The following PTPRT variants were observed in gnomAD, a reference collection of about 807,000 sequenced individuals.
The protein encoded by PTPRT is receptor-type tyrosine-protein phosphatase T.
PTPRT carries 56 observed loss-of-function variants against 176.8 expected under a neutral mutation model. That is an observed-to-expected ratio of 0.32 (90% CI 0.26 to 0.40). The LOEUF (loss-of-function observed/expected upper bound fraction) is 0.40. Ranked by LOEUF, PTPRT falls within the 10% of genes least tolerant of loss-of-function variation. PTPRT has a pLI of 1.00. For synonymous variants in PTPRT, 783 were observed against 739.0 expected (o/e 1.06, Z -0.96); for missense variants, 1,540 against 1,908.2 (o/e 0.81, Z 3.60).
chr20:42,637,409 C>A (rs1336329456), intron 7 of PTPRT, among the ~76,000 whole-genome samples: 1 of 152,126 alleles, frequency 6.6e-6, no homozygotes, highest in Non-Finnish European at 1.5e-5. Context: ...TCATTGTCCT[C>A]CTTGCTGATC....
intron 2 of PTPRT, among the ~76,000 whole-genome samples, chr20:42,832,141 T>A (rs538008120): frequency 1.4e-4 from 22 of 152,332 alleles, no homozygotes; most frequent in Non-Finnish European, 2.4e-4. Context: ...TGCCCTAGAT[T>A]GGATGAAGAA....
At chr20:42,771,596 T>G in intron 4 of PTPRT, 46 bp from the exon 5 acceptor site, 2 of 1,504,036 alleles carry the variant, frequency 1.3e-6, no homozygotes, top group Non-Finnish European at 1.9e-6. Flanking sequence ...TTCGACAGCC[T>G]GCACCACTTC....
intron 1 of PTPRT, among the ~76,000 whole-genome samples, chr20:43,089,849 TA>T (rs2011752430): frequency 6.6e-6 from 1 of 152,152 alleles, no homozygotes; most frequent in Non-Finnish European, 1.5e-5. Flanking sequence ...ACAGGAAATA[TA>T]ACCACTAAGG....
intron 7 of PTPRT, among the ~76,000 whole-genome samples, chr20:42,577,778 C>T (rs1472886565): frequency 6.6e-6 from 1 of 151,872 alleles, no homozygotes; most frequent in Non-Finnish European, 1.5e-5. Context: ...CAGGCACTGG[C>T]ATGCTCAGGG....
At chr20:42,323,469 A>G (rs956792487) in intron 11 of PTPRT, among the ~76,000 whole-genome samples, 1 of 152,170 alleles carries the variant, frequency 6.6e-6, no homozygotes, top group Admixed American at 6.5e-5. Flanking sequence ...AGGGACATGG[A>G]TGAAGCTGGA....
chr20:42,527,535 C>T (rs1375840614), intron 7 of PTPRT, among the ~76,000 whole-genome samples: 2 of 152,190 alleles, frequency 1.3e-5, no homozygotes, highest in East Asian at 1.9e-4. Context: ...ATATATTCTT[C>T]CTAGTTTTAC....
chr20:42,363,341 G>A (rs6030169), intron 9 of PTPRT, among the ~76,000 whole-genome samples: 6 of 94,184 alleles, frequency 6.4e-5, no homozygotes, highest in East Asian at 6.6e-4. Flanking sequence ...TGGAGTTTTC[G>A]CTGTTGTCGC....
At chr20:42,401,215 A>G (rs1250419088) in intron 9 of PTPRT, among the ~76,000 whole-genome samples, 2 of 152,072 alleles carry the variant, frequency 1.3e-5, no homozygotes, top group African/African-American at 4.8e-5. Context: ...ATCTTAACGC[A>G]TTACAGGTTT....
intron 1 of PTPRT, among the ~76,000 whole-genome samples, chr20:43,018,955 G>C (rs1044864421): frequency 6.6e-6 from 1 of 152,074 alleles, no homozygotes; most frequent in Non-Finnish European, 1.5e-5. Flanking sequence ...GCACATTCCT[G>C]CTGATCCATT....
At chr20:42,102,391 A>G (rs1021857417) in intron 25 of PTPRT, 94 bp from the exon 26 acceptor site, 2 of 1,350,810 alleles carry the variant, frequency 1.5e-6, no homozygotes, top group African/African-American at 1.4e-5. Flanking sequence ...TAACTCGCCT[A>G]TTTCCACCCT....
At chr20:42,716,273 G>A (rs1342742367) in intron 6 of PTPRT, among the ~76,000 whole-genome samples, 1 of 152,168 alleles carries the variant, frequency 6.6e-6, no homozygotes. Flanking sequence ...ACCCAGTAAT[G>A]GGATGGCTGG....
chr20:42,644,767 G>T (rs1232080066), intron 7 of PTPRT, among the ~76,000 whole-genome samples: 1 of 152,130 alleles, frequency 6.6e-6, no homozygotes, highest in Non-Finnish European at 1.5e-5. Flanking sequence ...TTAAGGTAAA[G>T]ACCTGGGATA....
chr20:42,651,703 G>C (rs1310611056), intron 7 of PTPRT, among the ~76,000 whole-genome samples: 1 of 152,128 alleles, frequency 6.6e-6, no homozygotes, highest in Non-Finnish European at 1.5e-5. Context: ...TTAGCTCTGT[G>C]ACCATGGACA....
chr20:42,484,861 C>T lies in PTPRT; in HGVS notation c.1154-12299G>A, dbSNP rs144197291. ...CTTTGTCTCCCAGTATTCCACTCAG[C>T]CTAGGCACCTCATGCCCAGAAATCT... On this transcript the variant is annotated intron_variant, in intron 7 of 30. Coordinates refer to ENST00000373187, the MANE Select transcript of PTPRT (RefSeq NM_007050.6). Among the ~76,000 whole-genome samples the T allele has an allele frequency of 5.6e-3, 850 of 152,306 alleles. 3 individuals are homozygous for T. The highest frequency in any genetic ancestry group is 0.017 in the Middle Eastern group (5 of 294).
At chr20:42,717,140 A>G (rs1175512192) in intron 6 of PTPRT, among the ~76,000 whole-genome samples, 5 of 151,642 alleles carry the variant, frequency 3.3e-5, no homozygotes, top group Non-Finnish European at 1.5e-5. Flanking sequence ...TACATATGTA[A>G]CTAACCTGCA....
chr20:43,073,685 T>C (rs6065572), intron 1 of PTPRT, among the ~76,000 whole-genome samples: 2 of 151,324 alleles, frequency 1.3e-5, no homozygotes, highest in Non-Finnish European at 2.9e-5. Flanking sequence ...ACCACTTTAT[T>C]CAAAGGTGTC....
At chr20:42,519,424 A>C (rs2072129700) in intron 7 of PTPRT, among the ~76,000 whole-genome samples, 1 of 152,146 alleles carries the variant, frequency 6.6e-6, no homozygotes, top group Admixed American at 6.6e-5. Flanking sequence ...TGCAATGAAC[A>C]CTCACATGCA....
chr20:42,909,673 A>G (rs2079520723), intron 1 of PTPRT, among the ~76,000 whole-genome samples: 1 of 152,096 alleles, frequency 6.6e-6, no homozygotes, highest in Non-Finnish European at 1.5e-5. Context: ...GGCACCTGAG[A>G]CCCATCCAGC....
At chr20:43,165,912 A>G (rs1344199686) in intron 1 of PTPRT, among the ~76,000 whole-genome samples, 2 of 152,168 alleles carry the variant, frequency 1.3e-5, no homozygotes, top group African/African-American at 4.8e-5. Flanking sequence ...CTACGGGGCA[A>G]GGCATGGTGG....
Sources: allele counts gnomAD v4.1 joint callset (sites outside exome capture counted in the v4.1 genomes callset), GRCh38; gene constraint gnomAD v4.1.1; transcripts MANE v1.5; gene names NCBI Gene and HGNC (gene_info 2026-07-23, HGNC 2026-07-21).